FOXP2: variants seen among roughly 807,000 people sequenced by gnomAD.
FOXP2 encodes forkhead box P2.
FOXP2 carries 12 observed loss-of-function variants against 115.8 expected under a neutral mutation model. That is an observed-to-expected ratio of 0.10 (90% CI 0.07 to 0.17). The LOEUF (loss-of-function observed/expected upper bound fraction) is 0.17. FOXP2 is among the 10% of genes least tolerant of loss of function. The probability of loss-of-function intolerance (pLI) is 1.00; values close to 1 mark genes in which losing one functional copy is unlikely to be tolerated. For synonymous variants in FOXP2, 328 were observed against 297.7 expected (o/e 1.10, Z -1.05); for missense variants, 629 against 843.5 (o/e 0.75, Z 3.15).
intron 2 of FOXP2, among the ~76,000 whole-genome samples, chr7:114,359,015 C>A (rs1173228649): frequency 6.6e-6 from 1 of 152,140 alleles, no homozygotes; most frequent in African/African-American, 2.4e-5. Flanking sequence ...AAGAAAATGT[C>A]TTCAGGGCTT....
chr7:114,176,724 C>A (rs1382435766), intron 1 of FOXP2, among the ~76,000 whole-genome samples: 1 of 147,278 alleles, frequency 6.8e-6, no homozygotes, highest in Admixed American at 6.9e-5. Flanking sequence ...TGGAAAGCTG[C>A]ACAAATCATA....
intron 9 of FOXP2, chr7:114,653,308 T>C (rs1304525835): frequency 1.3e-5 from 2 of 158,698 alleles, no homozygotes; most frequent in African/African-American, 4.8e-5. Context: ...TACGCCTATT[T>C]TTTTTTTTTC....
chr7:114,473,472 G>C (rs1054692606), intron 2 of FOXP2, among the ~76,000 whole-genome samples: 2 of 152,176 alleles, frequency 1.3e-5, no homozygotes, highest in African/African-American at 4.8e-5. Flanking sequence ...TCTACAAAAC[G>C]AGTGTAAGTA....
intron 2 of FOXP2, among the ~76,000 whole-genome samples, chr7:114,288,689 T>C (rs1340883758): frequency 1.3e-5 from 2 of 151,856 alleles, no homozygotes; most frequent in African/African-American, 4.8e-5. Context: ...CTTTGATATG[T>C]ACAATGTTAA....
In FOXP2 at chr7:114,689,847, T is replaced by A; in HGVS notation, c.2069T>A (p.Val690Glu). The A allele has an allele frequency of 6.2e-7, 1 of 1,613,540 alleles. No homozygotes were observed. The highest frequency in any genetic ancestry group is 8.5e-7 in the Non-Finnish European group (1 of 1,179,602). Residue 690 changes from valine (V) to glutamate (E), a missense_variant, in exon 17 of 17, where the codon GTG (valine) becomes GAG (glutamate). Transcript: ENST00000350908. ...AEDEDCPMSL[V>E]TTANHSPELE... is the part of the protein sequence containing the mutation. ...GATGAAGACTGCCCAATGTCCTTAG[T>A]GACAACAGCTAATCACAGTCCAGAA...
Position 114,176,223 on chromosome 7 carries a change from TG to T in FOXP2, c.-102+13136del, listed in dbSNP as rs1172176501. On this transcript the variant is annotated intron_variant, in intron 1 of 17. Transcript: ENST00000634411. The stretch of plus-strand genomic sequence containing the variant: ...TGTCTTGTCTTGTCTTGTCTTGTCT[TG>T]TCTTGTCTTTTCTTTCTTTCTTTCT... Among the ~76,000 whole-genome samples, 321 of 149,164 alleles carry T rather than the reference TG, an allele frequency of 2.2e-3. 3 individuals carry two copies. The highest frequency in any genetic ancestry group is 7.7e-3 in the African/African-American group (300 of 38,900).
chr7:114,617,299 A>G (rs1450105495), intron 3 of FOXP2, among the ~76,000 whole-genome samples: 1 of 152,160 alleles, frequency 6.6e-6, no homozygotes, highest in African/African-American at 2.4e-5. Context: ...AACAGTTTCT[A>G]CATATAATAA....
chr7:114,210,349 C>G (rs7781885), intron 1 of FOXP2, among the ~76,000 whole-genome samples: 36,607 of 151,966 alleles, frequency 0.24, 4,922 homozygotes, highest in African/African-American at 0.31. Context: ...TGTTGTTGGT[C>G]TTCTTGTTTT....
intron 2 of FOXP2, among the ~76,000 whole-genome samples, chr7:114,311,158 C>G (rs28576236): frequency 0.024 from 3,598 of 152,214 alleles, 129 homozygotes; most frequent in African/African-American, 0.082. Context: ...TAACAACCAC[C>G]TGACCATCAC....
intron 3 of FOXP2, among the ~76,000 whole-genome samples, chr7:114,555,927 T>C (rs1318926361): frequency 6.6e-6 from 1 of 152,202 alleles, no homozygotes; most frequent in Non-Finnish European, 1.5e-5. Flanking sequence ...TCTGAATCTC[T>C]TTATTCCCTT....
intron 2 of FOXP2, among the ~76,000 whole-genome samples, chr7:114,318,264 G>A (rs1260230598): frequency 2.0e-5 from 3 of 151,646 alleles, no homozygotes; most frequent in Admixed American, 2.0e-4. Flanking sequence ...GCTTCTCCTG[G>A]ATCTAGACCC....
chr7:114,155,363 A>G (rs1312342757), intron 1 of FOXP2, among the ~76,000 whole-genome samples: 1 of 152,082 alleles, frequency 6.6e-6, no homozygotes, highest in Admixed American at 6.6e-5. Flanking sequence ...GACAAAACAG[A>G]CCCTGTAGCA....
chr7:114,368,670 C>T (rs1202664016), intron 2 of FOXP2, among the ~76,000 whole-genome samples: 1 of 152,152 alleles, frequency 6.6e-6, no homozygotes, highest in Non-Finnish European at 1.5e-5. Context: ...AGAGAACATT[C>T]CAGACACATA....
At chr7:114,190,020 T>G (rs2129157113) in intron 1 of FOXP2, among the ~76,000 whole-genome samples, 1 of 152,312 alleles carries the variant, frequency 6.6e-6, no homozygotes, top group African/African-American at 2.4e-5. Flanking sequence ...ATGTACTCAC[T>G]TGATGCATTC....
chr7:114,691,686 A>G lies in FOXP2; in HGVS notation c.*1760A>G, dbSNP rs1413094456. ...CCCAACCAAGGGACCTCATAACCTG[A>G]TTATGGTTATTGCTTTACAAACAGT... On this transcript the variant is annotated 3_prime_UTR_variant, in exon 17 of 17. Coordinates refer to ENST00000350908, the MANE Select transcript of FOXP2 (RefSeq NM_014491.4). The G allele has an allele frequency of 1.0e-4, 46 of 453,932 alleles. No individual in the cohort carries two copies. The Admixed American group carries it at 1.1e-3, about 11-fold the overall frequency. The allele number at this position is 453,932 out of a possible 1,614,324, so 28.1% of individuals were successfully genotyped here.
intron 2 of FOXP2, among the ~76,000 whole-genome samples, chr7:114,529,428 A>T (rs1048465794): frequency 3.3e-5 from 5 of 151,838 alleles, no homozygotes; most frequent in Non-Finnish European, 7.4e-5. Flanking sequence ...ACATCATAAG[A>T]TATTTGATTG....
intron 1 of FOXP2, among the ~76,000 whole-genome samples, chr7:114,174,869 G>A (rs1016880822): frequency 6.6e-6 from 1 of 152,042 alleles, no homozygotes; most frequent in Non-Finnish European, 1.5e-5. Context: ...AATACTACAT[G>A]TTCTCTTATA....
At chr7:114,301,445 C>A (rs1317204643) in intron 2 of FOXP2, among the ~76,000 whole-genome samples, 1 of 152,064 alleles carries the variant, frequency 6.6e-6, no homozygotes, top group Non-Finnish European at 1.5e-5. Context: ...TTAACAGTGT[C>A]TCAAATTGTT....
intron 16 of FOXP2, chr7:114,668,321 T>G (rs1807289380): frequency 6.6e-6 from 1 of 152,124 alleles, no homozygotes; most frequent in African/African-American, 2.4e-5. Context: ...GAACAAGAGA[T>G]GCCAAATTAT....
Sources: allele counts gnomAD v4.1 joint callset (sites outside exome capture counted in the v4.1 genomes callset), GRCh38; gene constraint gnomAD v4.1.1; transcripts MANE v1.5; gene names NCBI Gene and HGNC (gene_info 2026-07-23, HGNC 2026-07-21).